The following SCML4 variants were observed in gnomAD, a reference collection of about 807,000 sequenced individuals.
SCML4 encodes the protein Scm polycomb group protein like 4.
Under a neutral mutation model 41.1 loss-of-function variants are expected in SCML4, and 34 were observed. The observed-to-expected ratio is 0.83, with a 90% CI of 0.63 to 1.10. The LOEUF (loss-of-function observed/expected upper bound fraction) is 1.10. Ranked by LOEUF, SCML4 falls within the 50% of genes least tolerant of loss-of-function variation. The probability of loss-of-function intolerance (pLI) is 0.00; values close to 1 mark genes in which losing one functional copy is unlikely to be tolerated. For missense variants in SCML4, 522 were observed against 534.1 expected (o/e 0.98, Z 0.22); for synonymous variants, 214 against 220.9 (o/e 0.97, Z 0.28).
At chr6:107,713,258 G>A (rs552937474) in intron 6 of SCML4, among the ~76,000 whole-genome samples, 3 of 152,310 alleles carry the variant, frequency 2.0e-5, no homozygotes, top group South Asian at 4.1e-4. Flanking sequence ...TAACAACAGA[G>A]TCATGTGGAG....
intron 5 of SCML4, among the ~76,000 whole-genome samples, chr6:107,726,839 G>T (rs117502637): frequency 0.016 from 2,456 of 152,260 alleles, 42 homozygotes; most frequent in East Asian, 0.038. Flanking sequence ...TTGGGAAACA[G>T]CCTGGTACTT....
At chr6:107,763,803 C>T (rs1779815503) in intron 2 of SCML4, among the ~76,000 whole-genome samples, 1 of 152,192 alleles carries the variant, frequency 6.6e-6, no homozygotes, top group Non-Finnish European at 1.5e-5. Flanking sequence ...AGAACTGAAT[C>T]CTGCTGCACC....
the SCML4 span, among the ~76,000 whole-genome samples, chr6:107,842,342 T>G: frequency 6.6e-6 from 1 of 152,250 alleles, no homozygotes; most frequent in Admixed American, 6.5e-5. Context: ...AAAATATGTT[T>G]GACCTTGTTG....
chr6:107,708,146 C>A, intron 6 of SCML4, 135 bp from the exon 7 acceptor site: 2 of 1,002,340 alleles, frequency 2.0e-6, no homozygotes, highest in Non-Finnish European at 2.9e-6. Context: ...CCCAAGTGAC[C>A]TCCTGTCATA....
chr6:107,821,553 C>T (rs1784945245), intron 1 of SCML4, among the ~76,000 whole-genome samples: 1 of 152,178 alleles, frequency 6.6e-6, no homozygotes, highest in Non-Finnish European at 1.5e-5. Context: ...AAAAGAGGGT[C>T]TTTTCTCATC....
intron 2 of SCML4, among the ~76,000 whole-genome samples, chr6:107,769,417 T>C (rs1388412242): frequency 6.6e-6 from 1 of 152,222 alleles, no homozygotes; most frequent in Non-Finnish European, 1.5e-5. Flanking sequence ...GTGTTACATG[T>C]TCTTGAGTCT....
chr6:107,832,815 C>T, the SCML4 span, among the ~76,000 whole-genome samples: 27,133 of 152,138 alleles, frequency 0.18, 2,888 homozygotes, highest in Non-Finnish European at 0.24. Context: ...GGGTGCTGCG[C>T]GCCGCACATG....
chr6:107,815,433 C>T (rs183294143), intron 1 of SCML4, among the ~76,000 whole-genome samples: 1 of 152,344 alleles, frequency 6.6e-6, no homozygotes, highest in East Asian at 1.9e-4. Context: ...CTGTAATAGA[C>T]ACTTTACACT....
At chr6:107,807,178 T>C (rs1783804029) in intron 1 of SCML4, among the ~76,000 whole-genome samples, 1 of 151,874 alleles carries the variant, frequency 6.6e-6, no homozygotes, top group African/African-American at 2.4e-5. Context: ...GATGAAAAGG[T>C]AGCAAGAGTA....
intron 1 of SCML4, among the ~76,000 whole-genome samples, chr6:107,802,900 C>A (rs1783324435): frequency 6.6e-6 from 1 of 150,900 alleles, no homozygotes; most frequent in Admixed American, 6.6e-5. Context: ...CGCGCCGCCA[C>A]GCCTGACTGG....
chr6:107,774,955 A>G (rs1780810397), intron 1 of SCML4, among the ~76,000 whole-genome samples: 1 of 151,856 alleles, frequency 6.6e-6, no homozygotes, highest in Non-Finnish European at 1.5e-5. Context: ...AGATCGCGCC[A>G]CTGCACTCCA....
chr6:107,833,417 A>G, the SCML4 span, among the ~76,000 whole-genome samples: 1 of 152,138 alleles, frequency 6.6e-6, no homozygotes, highest in Non-Finnish European at 1.5e-5. Context: ...GCAGGCAAGC[A>G]CTGGGGACCT....
At chr6:107,758,681 G>A (rs997450444) in intron 2 of SCML4, among the ~76,000 whole-genome samples, 2 of 152,130 alleles carry the variant, frequency 1.3e-5, no homozygotes, top group Non-Finnish European at 2.9e-5. Flanking sequence ...GGCAGAGATT[G>A]GAGTAATGTG....
chr6:107,734,434 G>A (rs1343981317), intron 5 of SCML4, among the ~76,000 whole-genome samples: 1 of 152,202 alleles, frequency 6.6e-6, no homozygotes, highest in African/African-American at 2.4e-5. Flanking sequence ...TTGGTTAATA[G>A]TTATGGAGTA....
At chr6:107,734,457 G>C (rs528729912) in intron 5 of SCML4, among the ~76,000 whole-genome samples, 1 of 152,064 alleles carries the variant, frequency 6.6e-6, no homozygotes, top group Non-Finnish European at 1.5e-5. Flanking sequence ...TAACTTCCTC[G>C]GTATCTACAG....
Position 107,774,545 on chromosome 6 carries a change from G to A in SCML4, c.-59-2159C>T, listed in dbSNP as rs568514571. Among the ~76,000 whole-genome samples, 55 of 152,258 alleles carry A rather than the reference G, an allele frequency of 3.6e-4. No homozygotes were observed. In the South Asian group the frequency reaches 0.011, roughly 30 times the overall value. Reference sequence around the variant, plus strand: ...ATTTTCGCTATGTGAAAGTTGGTCCGAGTCTAATTTTGAACTATTCTCATC... The same window carrying A: ...ATTTTCGCTATGTGAAAGTTGGTCCAAGTCTAATTTTGAACTATTCTCATC... On this transcript the variant is annotated intron_variant, in intron 1 of 7. Transcript: ENST00000369020.
chr6:107,770,492 A>G (rs1428894853), intron 2 of SCML4, among the ~76,000 whole-genome samples: 1 of 152,204 alleles, frequency 6.6e-6, no homozygotes, highest in Non-Finnish European at 1.5e-5. Context: ...AATAATTTCC[A>G]TACATTTTCC....
chr6:107,805,468 C>A (rs1006026758), intron 1 of SCML4, among the ~76,000 whole-genome samples: 9 of 152,168 alleles, frequency 5.9e-5, no homozygotes, highest in Admixed American at 5.2e-4. Flanking sequence ...TTGAAAGCAT[C>A]ACGTCCTTCC....
chr6:107,714,378 C>T (rs1250182270), intron 6 of SCML4, among the ~76,000 whole-genome samples: 2 of 152,134 alleles, frequency 1.3e-5, no homozygotes, highest in African/African-American at 4.8e-5. Flanking sequence ...TTTCCTCCTG[C>T]TTATTCCAGC....
Sources: allele counts gnomAD v4.1 joint callset (sites outside exome capture counted in the v4.1 genomes callset), GRCh38; gene constraint gnomAD v4.1.1; transcripts MANE v1.5; gene names NCBI Gene and HGNC (gene_info 2026-07-23, HGNC 2026-07-21).